Variants in PDILT observed in about 807,000 individuals in gnomAD.
The protein encoded by PDILT is protein disulfide-isomerase-like protein of the testis.
PDILT carries 43 observed loss-of-function variants against 53.7 expected under a neutral mutation model. That is an observed-to-expected ratio of 0.80 (90% CI 0.63 to 1.03). The LOEUF is 1.03. Among genes scored for constraint, PDILT ranks in the 50% least tolerant of loss-of-function variants. The pLI is 0.00. For missense variants in PDILT, 727 were observed against 712.3 expected, an observed-to-expected ratio of 1.02 and a Z score of -0.24; for synonymous variants, 282 against 274.2, an observed-to-expected ratio of 1.03 and a Z score of -0.28.
intron 2 of PDILT, among the ~76,000 whole-genome samples, chr16:20,397,166 C>T (rs551608126): frequency 4.6e-5 from 7 of 152,224 alleles, no homozygotes; most frequent in African/African-American, 7.2e-5. Context: ...GACAGGTTCT[C>T]GCTCTGTCAG....
chr16:20,363,356 A>C (rs892415985), intron 9 of PDILT, among the ~76,000 whole-genome samples: 9 of 152,076 alleles, frequency 5.9e-5, no homozygotes, highest in African/African-American at 2.2e-4. Flanking sequence ...CTTTTTTTCA[A>C]ATTCCTTTCT....
intron 2 of PDILT, among the ~76,000 whole-genome samples, chr16:20,393,368 C>T (rs191466959): frequency 1.3e-5 from 2 of 152,176 alleles, no homozygotes; most frequent in African/African-American, 4.8e-5. Context: ...AGCTGGCATC[C>T]TGAAGAACAG....
At chr16:20,376,352 C>T (rs1472051701) in intron 3 of PDILT, 151 bp from the exon 4 acceptor site, 8 of 839,478 alleles carry the variant, frequency 9.5e-6, no homozygotes, top group Non-Finnish European at 1.3e-5. Context: ...TTCCCCTCTT[C>T]CCCAAGCTCC....
intron 8 of PDILT, among the ~76,000 whole-genome samples, chr16:20,367,316 G>C (rs1291155557): frequency 6.6e-6 from 1 of 151,912 alleles, no homozygotes; most frequent in Non-Finnish European, 1.5e-5. Context: ...GTTGACCCTT[G>C]CTGTGCAGCC....
At chr16:20,380,127 T>G (rs1966442775) in intron 3 of PDILT, among the ~76,000 whole-genome samples, 1 of 152,150 alleles carries the variant, frequency 6.6e-6, no homozygotes, top group Non-Finnish European at 1.5e-5. Flanking sequence ...TGTGCCACCC[T>G]CTGCCCTTTC....
chr16:20,371,992 T>C (rs899077920), intron 7 of PDILT, among the ~76,000 whole-genome samples: 1 of 152,198 alleles, frequency 6.6e-6, no homozygotes, highest in African/African-American at 2.4e-5. Context: ...TCAATTGTTT[T>C]ATTTAATTTC....
At chr16:20,366,966 TCC>T (rs372901926) in intron 8 of PDILT, among the ~76,000 whole-genome samples, 43,299 of 144,596 alleles carry the variant, frequency 0.3, 9,635 homozygotes, top group Non-Finnish European at 0.42. Flanking sequence ...CTTCCTTCCT[TCC>T]TTCCTTCCTT....
rs554919222 is a variant in PDILT, at chr16:20,366,936, T to TTTCCTTCCTTCC, written c.1117-1408_1117-1397dup. Among the ~76,000 whole-genome samples the TTTCCTTCCTTCC allele has an allele frequency of 1.4e-3, 50 of 35,758 alleles. 2 individuals are homozygous for TTTCCTTCCTTCC. Among genetic ancestry groups the TTTCCTTCCTTCC allele is most frequent in the East Asian group, 9.5e-3 (24 of 2,518 alleles). 23.5% of individuals were successfully genotyped at this position (35,758 alleles called of 152,430 possible). ...TCATTGCTCTTAGGAAACCAAATTC[T>TTTCCTTCCTTCC]TTCCTTCCTTCCTTCCTTCCTTCCT... On this transcript the variant is annotated intron_variant, in intron 8 of 11. Coordinates refer to ENST00000302451, the MANE Select transcript of PDILT (RefSeq NM_174924.2).
intron 8 of PDILT, among the ~76,000 whole-genome samples, chr16:20,366,901 C>T (rs1163640650): frequency 6.6e-6 from 1 of 152,096 alleles, no homozygotes; most frequent in East Asian, 1.9e-4. Context: ...CCATGCAAAT[C>T]TGGCTTCTCT....
At chr16:20,361,012 G>A (rs533246671) in intron 10 of PDILT, among the ~76,000 whole-genome samples, 1 of 152,262 alleles carries the variant, frequency 6.6e-6, no homozygotes, top group African/African-American at 2.4e-5. Context: ...TTGTTATAAG[G>A]ATTAAATGAG....
intron 9 of PDILT, among the ~76,000 whole-genome samples, chr16:20,363,574 C>T (rs1966143188): frequency 6.6e-6 from 1 of 152,074 alleles, no homozygotes; most frequent in Non-Finnish European, 1.5e-5. Flanking sequence ...GCAGTAATTG[C>T]ACTTTTCAGA....
At chr16:20,391,695 T>C (rs1463905855) in intron 2 of PDILT, among the ~76,000 whole-genome samples, 1 of 152,052 alleles carries the variant, frequency 6.6e-6, no homozygotes, top group African/African-American at 2.4e-5. Context: ...ATGAATAAGA[T>C]TTGGCCCCCA....
intron 5 of PDILT, among the ~76,000 whole-genome samples, chr16:20,373,777 TA>T (rs1966343137): frequency 1.4e-4 from 1 of 6,998 alleles, no homozygotes; most frequent in African/African-American, 3.6e-4. Flanking sequence ...TTTCTGTACA[TA>T]CATCACTTTG....
chr16:20,394,759 C>A (rs532255123), intron 2 of PDILT, among the ~76,000 whole-genome samples: 2 of 152,218 alleles, frequency 1.3e-5, no homozygotes, highest in Non-Finnish European at 2.9e-5. Flanking sequence ...GGCACATCCT[C>A]GTCTCCCTCC....
chr16:20,362,339 G>T, intron 10 of PDILT, 65 bp downstream of exon 10: 1 of 1,553,852 alleles, frequency 6.4e-7, no homozygotes, highest in Non-Finnish European at 8.8e-7. Flanking sequence ...GTGGTAGGGA[G>T]AAACTGAGTC....
At chr16:20,396,236 ACC>A (rs911776754) in intron 2 of PDILT, among the ~76,000 whole-genome samples, 1 of 152,134 alleles carries the variant, frequency 6.6e-6, no homozygotes, top group Non-Finnish European at 1.5e-5. Flanking sequence ...CAAGAAACTC[ACC>A]CAAGGCCACA....
intron 3 of PDILT, among the ~76,000 whole-genome samples, chr16:20,383,427 T>C (rs1399999452): frequency 1.3e-5 from 2 of 152,084 alleles, no homozygotes; most frequent in African/African-American, 4.8e-5. Flanking sequence ...CTGTTGCTTC[T>C]CTCACTGCTC....
At chr16:20,382,370 G>A (rs1966472684) in intron 3 of PDILT, among the ~76,000 whole-genome samples, 1 of 152,218 alleles carries the variant, frequency 6.6e-6, no homozygotes, top group South Asian at 2.1e-4. Flanking sequence ...CTGTTTGACT[G>A]TATAAATAAA....
At chr16:20,401,777 A>C (rs1418822325) in intron 1 of PDILT, among the ~76,000 whole-genome samples, 1 of 152,224 alleles carries the variant, frequency 6.6e-6, no homozygotes, top group Admixed American at 6.5e-5. Flanking sequence ...TCTGAGCAAA[A>C]GCCAGGCGGG....
Sources: gnomAD v4.1 joint callset for allele counts (sites outside exome capture counted in the v4.1 genomes callset) on GRCh38, gnomAD v4.1.1 for gene constraint, MANE v1.5 for transcripts, NCBI Gene and HGNC (gene_info 2026-07-23, HGNC 2026-07-21) for gene names.